The following TYRO3 variants were observed in gnomAD, a reference collection of about 807,000 sequenced individuals.
TYRO3 encodes tyrosine-protein kinase receptor TYRO3.
A neutral mutation model predicts 95.2 loss-of-function variants in TYRO3; 38 were observed. That is an observed-to-expected ratio of 0.40 (90% confidence interval 0.31 to 0.52). The LOEUF (loss-of-function observed/expected upper bound fraction) is 0.52. Ranked by LOEUF, TYRO3 falls within the 20% of genes least tolerant of loss-of-function variation. The probability of loss-of-function intolerance (pLI) is 0.56; values close to 1 mark genes in which losing one functional copy is unlikely to be tolerated. For missense variants in TYRO3, 812 were observed against 1,116.4 expected (o/e 0.73, Z 3.89); for synonymous variants, 367 against 432.9 (o/e 0.85, Z 1.89).
Position 41,578,335 on chromosome 15 carries a change from G to T in TYRO3, c.*59G>T. On this transcript the variant is annotated 3_prime_UTR_variant, in exon 19 of 19. Transcript: ENST00000263798. The stretch of plus-strand genomic sequence containing the variant: ...GGCTCTGGTGGCCACTGAGCTGGCT[G>T]ACTAAGCCCCGTCTGACCCCAGCCC... 1 of 1,600,400 alleles carries T rather than the reference G, an allele frequency of 6.2e-7. No individual in the cohort carries two copies. Among genetic ancestry groups the T allele is most frequent in the Non-Finnish European group, 8.5e-7 (1 of 1,172,518 alleles).
Position 41,570,285 on chromosome 15 carries a change from C to T in TYRO3, c.1428C>T (p.His476=), listed in dbSNP as rs2055778461. 2 of 1,614,220 alleles carry T rather than the reference C, an allele frequency of 1.2e-6. No homozygotes were observed. The highest frequency in any genetic ancestry group is 1.7e-6 in the Non-Finnish European group (2 of 1,180,052). ...TGGCCCGGGGAGAGCCAGCCGTTCA[C>T]TTCCGGGCAGCCCGGTCCTTCAATC... ...SVMARGEPAV[H]FRAARSFNRE... Residue 476 remains histidine, a synonymous_variant, in exon 11 of 19, where the codon CAC becomes CAT. Coordinates refer to ENST00000263798, the MANE Select transcript of TYRO3 (RefSeq NM_006293.4).
chr15:41,571,168 G>C (rs1347337454), intron 13 of TYRO3, 50 bp downstream of exon 13: 1 of 1,567,218 alleles, frequency 6.4e-7, no homozygotes, highest in East Asian at 2.2e-5. Flanking sequence ...AAGGGTAAGA[G>C]GGGCGACTGA....
intron 17 of TYRO3, 68 bp downstream of exon 17, chr15:41,573,535 G>A (rs2055825870): frequency 6.4e-7 from 1 of 1,573,722 alleles, no homozygotes; most frequent in Non-Finnish European, 8.7e-7. Context: ...ATCCTTAAGG[G>A]CCTAGCCAAG....
At chr15:41,567,314 T>C (rs571093037) in intron 6 of TYRO3, 46 bp from the exon 7 acceptor site, 3 of 1,406,906 alleles carry the variant, frequency 2.1e-6, no homozygotes, top group Non-Finnish European at 2.8e-6. Context: ...ATCTTCCATC[T>C]CTCACAGGCT....
chr15:41,573,271 G>A (rs758030835), intron 16 of TYRO3, 37 bp from the exon 17 acceptor site: 11 of 1,470,786 alleles, frequency 7.5e-6, no homozygotes, highest in Non-Finnish European at 1.0e-5. Context: ...TGTGAGCATG[G>A]CAGAAGGCTG....
In TYRO3 at chr15:41,582,501, AGAGT is replaced by A. The variant is rs879902974; in HGVS notation, c.*4229_*4232del. On this transcript the variant is annotated 3_prime_UTR_variant, in exon 19 of 19. Coordinates refer to ENST00000263798, the MANE Select transcript of TYRO3 (RefSeq NM_006293.4). ...GCCACTACATTCCAGCTTGGGTGAG[AGAGT>A]GAGACTCCATCTCGGAAAAAAAAAA... 3 of 150,934 alleles carry A rather than the reference AGAGT, an allele frequency of 2.0e-5. No individual in the cohort carries two copies. The highest frequency in any genetic ancestry group is 2.9e-5 in the Non-Finnish European group (2 of 67,804). The allele number at this position is 150,934 out of a possible 1,614,324, so 9.3% of individuals were successfully genotyped here. A position where few individuals can be genotyped will look rare whatever the true frequency, so the allele number is the denominator to read the frequency against.
chr15:41,582,289 C>CT lies in TYRO3; in HGVS notation c.*4013_*4014insT, dbSNP rs1271357063. On this transcript the variant is annotated 3_prime_UTR_variant, in exon 19 of 19. Coordinates refer to ENST00000263798, the MANE Select transcript of TYRO3 (RefSeq NM_006293.4). ...CAGCGCTTTGGGAGGCCGAGGCGGG[C>CT]GGATCACAAGGTCAGGAGTTTGAGA... 1 of 152,078 alleles carries CT rather than the reference C, an allele frequency of 6.6e-6. No homozygotes were observed. The highest frequency in any genetic ancestry group is 3.1e-3 in the Middle Eastern group (1 of 320). The allele number at this position is 152,078 out of a possible 1,614,324, so 9.4% of individuals were successfully genotyped here.
chr15:41,575,479 C>T (rs574910867), intron 18 of TYRO3, among the ~76,000 whole-genome samples: 9 of 152,238 alleles, frequency 5.9e-5, no homozygotes, highest in African/African-American at 9.6e-5. Context: ...GGTGGACAGG[C>T]GCCAGTTGGC....
In TYRO3 at chr15:41,567,450, A is replaced by G; in HGVS notation, c.874A>G (p.Thr292Ala). Residue 292 changes from threonine to alanine, a missense_variant, in exon 7 of 19, where the codon ACC becomes GCC. Physicochemically the swap from Thr to Ala is moderately conservative, Grantham distance 58 (BLOSUM62 0). Coordinates refer to ENST00000263798, the MANE Select transcript of TYRO3 (RefSeq NM_006293.4). ...TCLLRDLVPATNYSLRVRCAN... is the reference protein window; with the variant it reads ...TCLLRDLVPAANYSLRVRCAN... ...CCTGCTCCGGGACCTGGTGCCTGCCACCAACTACAGCCTCAGGGTGCGCTG... is the reference window on the plus strand; with the variant it reads ...CCTGCTCCGGGACCTGGTGCCTGCCGCCAACTACAGCCTCAGGGTGCGCTG... 3 of 1,609,334 alleles carry G rather than the reference A, an allele frequency of 1.9e-6. No homozygotes were observed. Among genetic ancestry groups the G allele is most frequent in the Non-Finnish European group, 2.5e-6 (3 of 1,178,274 alleles).
chr15:41,573,524 G>A, intron 17 of TYRO3, 57 bp downstream of exon 17: 1 of 1,573,356 alleles, frequency 6.4e-7, no homozygotes, highest in Non-Finnish European at 8.7e-7. Context: ...AGACCTTTAG[G>A]ATCCTTAAGG....
At chr15:41,570,845 G>T in intron 12 of TYRO3, 146 bp downstream of exon 12, 1 of 930,710 alleles carries the variant, frequency 1.1e-6, no homozygotes, top group Non-Finnish European at 1.7e-6. Flanking sequence ...GATGTTTGTG[G>T]GGAATGGTGG....
chr15:41,576,645 CTTTTTTT>C (rs971951671), intron 18 of TYRO3, among the ~76,000 whole-genome samples: 14 of 101,092 alleles, frequency 1.4e-4, no homozygotes, highest in African/African-American at 4.6e-4. Context: ...AGTAGGTTTC[CTTTTTTT>C]TTTTTTTTTT....
chr15:41,571,601 T>A lies in TYRO3; in HGVS notation c.1667T>A (p.Ile556Asn), dbSNP rs754226040. 13 of 1,612,270 alleles carry A rather than the reference T, an allele frequency of 8.1e-6. No homozygotes were observed. The highest frequency in any genetic ancestry group is 1.1e-5 in the Non-Finnish European group (13 of 1,178,478). Reference sequence around the variant, plus strand: ...CCCCATCCCCTTCTCCTAGCTGACATCATTGCCTCAAGCGACATTGAAGAG... The same window carrying A: ...CCCCATCCCCTTCTCCTAGCTGACAACATTGCCTCAAGCGACATTGAAGAG... The part of the protein sequence containing the change: ...KVAVKMLKAD[I>N]IASSDIEEFL... The change falls in exon 14 of 19, where the codon ATC becomes AAC. Residue 556 changes from isoleucine to asparagine, a missense_variant. Transcript: ENST00000263798.
At chr15:41,561,709 C>A in intron 3 of TYRO3, 70 bp downstream of exon 3, 1 of 1,193,074 alleles carries the variant, frequency 8.4e-7, no homozygotes, top group Non-Finnish European at 1.2e-6. Flanking sequence ...TATACCTCTG[C>A]AGCGGAGAAC....
chr15:41,579,761 T>TC lies in TYRO3; in HGVS notation c.*1485_*1486insC, dbSNP rs1326710816. 6.7e-6 allele frequency: 1 copy of TC among 149,866 alleles called. No homozygotes were observed. The highest frequency in any genetic ancestry group is 1.5e-5 in the Non-Finnish European group (1 of 67,160). The allele number at this position is 149,866 out of a possible 1,614,324, so 9.3% of individuals were successfully genotyped here. A position where few individuals can be genotyped will look rare whatever the true frequency, so the allele number is the denominator to read the frequency against. Reference sequence around the variant, plus strand: ...CCAAAATGTTAACAGCTGTTATCTTTTTTTTTTTTTTTTTGAGACCGAGTC... The same window carrying TC: ...CCAAAATGTTAACAGCTGTTATCTTTCTTTTTTTTTTTTTTGAGACCGAGTC... On this transcript the variant is annotated 3_prime_UTR_variant, in exon 19 of 19. Transcript: ENST00000263798.
chr15:41,577,390 A>G (rs990395068), intron 18 of TYRO3: 1 of 151,856 alleles, frequency 6.6e-6, no homozygotes, highest in African/African-American at 2.4e-5. Context: ...CAATTGTGCA[A>G]TCTCGGCTCA....
At chr15:41,570,399 C>A in intron 11 of TYRO3, 59 bp downstream of exon 11, 4 of 1,425,392 alleles carry the variant, frequency 2.8e-6, no homozygotes, top group South Asian at 1.3e-5. Context: ...CATCTGCATT[C>A]TTTTACCAAA....
intron 4 of TYRO3, 124 bp downstream of exon 4, chr15:41,562,842 GGACGTGA>G: frequency 1.0e-6 from 1 of 992,502 alleles, no homozygotes; most frequent in Non-Finnish European, 1.5e-6. Flanking sequence ...CAGTGTCTGG[GGACGTGA>G]GCTGCACCAT....
At position 41,565,055 on chromosome 15, in the gene TYRO3, G is replaced by A. The variant is rs759946317; in HGVS notation, c.697G>A (p.Val233Met). The change falls in exon 6 of 19, where the codon GTG (valine) becomes ATG (methionine). Residue 233 changes from valine (V) to methionine (M), a missense_variant. Physicochemically the swap from Val to Met is conservative, Grantham distance 21. Transcript: ENST00000263798. ...ALPAAPFNIT[V>M]TKLSSSNASV... ...GCCTGCAGCCCCCTTCAACATCACC[G>A]TGACAAAGCTTTCCAGCAGCAACGC... The A allele has an allele frequency of 2.3e-5, 37 of 1,612,696 alleles. No homozygotes were observed. The highest frequency in any genetic ancestry group is 5.3e-5 in the African/African-American group (4 of 74,908).
Sources: gnomAD v4.1 joint callset for allele counts (sites outside exome capture counted in the v4.1 genomes callset) on GRCh38, gnomAD v4.1.1 for gene constraint, MANE v1.5 for transcripts, NCBI Gene and HGNC (gene_info 2026-07-23, HGNC 2026-07-21) for gene names.